The following FAM83B variants were observed in gnomAD, a reference collection of about 807,000 sequenced individuals.
The protein encoded by FAM83B is scaffolding CK1 anchoring protein B.
In FAM83B, 26 loss-of-function variants were observed where a neutral mutation model predicts 38.8. The observed-to-expected ratio is 0.67, with a 90% CI of 0.49 to 0.93. FAM83B has a LOEUF of 0.93. FAM83B is among the 40% of genes least tolerant of loss of function. The pLI is 0.00. For synonymous variants in FAM83B, 419 were observed against 423.1 expected (o/e 0.99, Z 0.12); for missense variants, 1,237 against 1,197.3 (o/e 1.03, Z -0.49).
chr6:54,906,779 G>T (rs1561921110), intron 2 of FAM83B, among the ~76,000 whole-genome samples: 1 of 152,122 alleles, frequency 6.6e-6, no homozygotes. Flanking sequence ...TCAGTTAATA[G>T]ATTATTTTTA....
chr6:54,868,544 GAT>G (rs1286191537), intron 1 of FAM83B, among the ~76,000 whole-genome samples: 5 of 152,116 alleles, frequency 3.3e-5, no homozygotes, highest in Non-Finnish European at 5.9e-5. Flanking sequence ...TTCCCCATGC[GAT>G]AGCTTTTATA....
intron 2 of FAM83B, among the ~76,000 whole-genome samples, chr6:54,913,403 G>A (rs373728149): frequency 3.3e-5 from 5 of 151,854 alleles, no homozygotes; most frequent in Admixed American, 6.6e-5. Context: ...CTCAATTTTC[G>A]CAATAATCCC....
chr6:54,896,846 C>T (rs2127581450), intron 2 of FAM83B, among the ~76,000 whole-genome samples: 1 of 152,206 alleles, frequency 6.6e-6, no homozygotes, highest in African/African-American at 2.4e-5. Context: ...CACATTTCTA[C>T]AACTGTCAGG....
intron 1 of FAM83B, among the ~76,000 whole-genome samples, chr6:54,861,890 C>T (rs1208249711): frequency 6.6e-6 from 1 of 152,158 alleles, no homozygotes; most frequent in Non-Finnish European, 1.5e-5. Context: ...CCATGCCTAC[C>T]TGTGGGAGTG....
intron 2 of FAM83B, among the ~76,000 whole-genome samples, chr6:54,885,802 CA>C (rs1772260486): frequency 7.1e-6 from 1 of 141,228 alleles, no homozygotes; most frequent in African/African-American, 2.7e-5. Context: ...GAACATCACA[CA>C]CCGGGGACTG....
At chr6:54,879,019 G>A (rs930527150) in intron 2 of FAM83B, among the ~76,000 whole-genome samples, 1 of 152,174 alleles carries the variant, frequency 6.6e-6, no homozygotes, top group Non-Finnish European at 1.5e-5. Flanking sequence ...AGCAGTTGGA[G>A]TGATGGTATT....
At chr6:54,852,938 AT>A (rs33946382) in intron 1 of FAM83B, among the ~76,000 whole-genome samples, 3 of 151,410 alleles carry the variant, frequency 2.0e-5, no homozygotes, top group Non-Finnish European at 4.4e-5. Context: ...TTTTGTTGCA[AT>A]TTTTTTTTCT....
intron 2 of FAM83B, among the ~76,000 whole-genome samples, chr6:54,897,784 T>C (rs1223506650): frequency 1.3e-5 from 2 of 152,212 alleles, no homozygotes; most frequent in Non-Finnish European, 2.9e-5. Flanking sequence ...GGCAAGCATA[T>C]AGGGATTAGA....
chr6:54,874,307 T>C (rs1390231143), intron 2 of FAM83B, among the ~76,000 whole-genome samples: 1 of 152,196 alleles, frequency 6.6e-6, no homozygotes, highest in Non-Finnish European at 1.5e-5. Context: ...CTTATTTTGT[T>C]TGAGAACTTT....
At chr6:54,873,972 A>T (rs1382661320) in intron 2 of FAM83B, among the ~76,000 whole-genome samples, 1 of 152,102 alleles carries the variant, frequency 6.6e-6, no homozygotes, top group Non-Finnish European at 1.5e-5. Context: ...AAGTCTGATT[A>T]TAAGCACCAA....
chr6:54,927,761 A>C (rs1037568260), intron 4 of FAM83B, 129 bp downstream of exon 4: 1 of 756,238 alleles, frequency 1.3e-6, no homozygotes, highest in Non-Finnish European at 1.9e-6. Context: ...AAAAGAGAAC[A>C]CTTGCATGGA....
chr6:54,868,590 C>T (rs1400013871), intron 1 of FAM83B, among the ~76,000 whole-genome samples: 2 of 152,064 alleles, frequency 1.3e-5, no homozygotes, highest in Non-Finnish European at 2.9e-5. Context: ...TCCTTTTTCT[C>T]TTGGAGAAGA....
At chr6:54,850,526 T>C (rs1332617120) in intron 1 of FAM83B, among the ~76,000 whole-genome samples, 1 of 152,238 alleles carries the variant, frequency 6.6e-6, no homozygotes, top group Non-Finnish European at 1.5e-5. Flanking sequence ...TAAACATTAC[T>C]ACTTGGAGAA....
intron 1 of FAM83B, 34 bp from the exon 2 acceptor site, chr6:54,870,153 A>G (rs1391997335): frequency 6.2e-6 from 6 of 962,322 alleles, no homozygotes; most frequent in Non-Finnish European, 7.9e-6. Context: ...CCGAATTTTA[A>G]CTTGATCTTG....
chr6:54,848,697 C>A (rs1771197348), intron 1 of FAM83B, among the ~76,000 whole-genome samples: 1 of 152,080 alleles, frequency 6.6e-6, no homozygotes, highest in African/African-American at 2.4e-5. Flanking sequence ...TACTTGTTTC[C>A]CATTTAATTA....
At chr6:54,937,582 C>G (rs185801898) in intron 4 of FAM83B, among the ~76,000 whole-genome samples, 61 of 151,960 alleles carry the variant, frequency 4.0e-4, no homozygotes, top group African/African-American at 1.4e-3. Flanking sequence ...GAAAATTTAC[C>G]GACTCTTAAA....
intron 2 of FAM83B, among the ~76,000 whole-genome samples, chr6:54,920,783 A>G (rs1773149549): frequency 6.6e-6 from 1 of 151,934 alleles, no homozygotes; most frequent in Non-Finnish European, 1.5e-5. Flanking sequence ...TCACAATCTT[A>G]TGCAATTGTA....
At chr6:54,883,699 A>G (rs142001508) in intron 2 of FAM83B, among the ~76,000 whole-genome samples, 6 of 151,394 alleles carry the variant, frequency 4.0e-5, no homozygotes, top group Middle Eastern at 6.9e-3. Context: ...TATGCTGTGT[A>G]TGAATTATTT....
intron 4 of FAM83B, among the ~76,000 whole-genome samples, chr6:54,927,844 TC>T (rs1773338013): frequency 1.3e-5 from 2 of 151,760 alleles, no homozygotes; most frequent in African/African-American, 2.4e-5. Flanking sequence ...TCATATAACT[TC>T]CTTGAGCTTC....
Sources: allele counts gnomAD v4.1 joint callset (sites outside exome capture counted in the v4.1 genomes callset), GRCh38; gene constraint gnomAD v4.1.1; transcripts MANE v1.5; gene names NCBI Gene and HGNC (gene_info 2026-07-23, HGNC 2026-07-21).